ANKRD44: variants seen among roughly 807,000 people sequenced by gnomAD.
ANKRD44 encodes the protein ankyrin repeat domain 44.
A neutral mutation model predicts 116.0 loss-of-function variants in ANKRD44; 35 were observed. The ratio of observed to expected loss-of-function variants is 0.30; its 90% CI spans 0.23 to 0.40. The LOEUF is 0.40. Ranked by LOEUF, ANKRD44 falls within the 10% of genes least tolerant of loss-of-function variation. ANKRD44 has a pLI of 1.00. For missense variants in ANKRD44, 1,014 were observed against 1,242.6 expected (o/e 0.82, Z 2.77); for synonymous variants, 435 against 461.8 (o/e 0.94, Z 0.74).
intron 1 of ANKRD44, among the ~76,000 whole-genome samples, chr2:197,262,566 C>T (rs2082633432): frequency 6.6e-6 from 1 of 152,202 alleles, no homozygotes; most frequent in Non-Finnish European, 1.5e-5. Flanking sequence ...TGAGTGCATT[C>T]TTTCCACAGA....
At chr2:197,243,349 A>T (rs1466825630) in intron 1 of ANKRD44, among the ~76,000 whole-genome samples, 1 of 152,172 alleles carries the variant, frequency 6.6e-6, no homozygotes, top group Non-Finnish European at 1.5e-5. Flanking sequence ...CTAAGAAACA[A>T]GGAATCCAAT....
chr2:197,288,097 G>T (rs1345654984), intron 1 of ANKRD44, among the ~76,000 whole-genome samples: 1 of 151,822 alleles, frequency 6.6e-6, no homozygotes, highest in Admixed American at 6.6e-5. Flanking sequence ...AAAATTTAGG[G>T]TTTGCCCAAA....
intron 1 of ANKRD44, among the ~76,000 whole-genome samples, chr2:197,266,387 A>C (rs1393109704): frequency 2.0e-5 from 3 of 152,176 alleles, no homozygotes; most frequent in Non-Finnish European, 1.5e-5. Context: ...TTACATCCTT[A>C]AGAGAGCCAG....
At chr2:197,268,305 C>G (rs1374681678) in intron 1 of ANKRD44, among the ~76,000 whole-genome samples, 2 of 152,146 alleles carry the variant, frequency 1.3e-5, no homozygotes, top group Non-Finnish European at 1.5e-5. Flanking sequence ...AAAGAAGCAT[C>G]TGAGATGCAC....
At chr2:197,148,372 A>G (rs2079559071) in intron 2 of ANKRD44, among the ~76,000 whole-genome samples, 1 of 152,170 alleles carries the variant, frequency 6.6e-6, no homozygotes, top group African/African-American at 2.4e-5. Context: ...ACTAACTTCT[A>G]TTGACTCCTC....
At chr2:197,277,035 C>T (rs2083110772) in intron 1 of ANKRD44, among the ~76,000 whole-genome samples, 1 of 151,428 alleles carries the variant, frequency 6.6e-6, no homozygotes, top group Admixed American at 6.6e-5. Flanking sequence ...TCACGCCATT[C>T]TCCTGCCTCA....
intron 9 of ANKRD44, among the ~76,000 whole-genome samples, chr2:197,106,142 G>GT (rs1300872801): frequency 2.0e-5 from 3 of 152,110 alleles, no homozygotes; most frequent in Admixed American, 1.3e-4. Flanking sequence ...GCTTAAAACT[G>GT]TAAAAATATA....
At chr2:197,216,760 A>T (rs973211162) in intron 1 of ANKRD44, among the ~76,000 whole-genome samples, 14 of 152,026 alleles carry the variant, frequency 9.2e-5, no homozygotes, top group African/African-American at 3.4e-4. Context: ...CCAGCAGAAA[A>T]ACATTTCCAA....
At chr2:197,297,104 A>G (rs975093063) in intron 1 of ANKRD44, among the ~76,000 whole-genome samples, 1 of 152,194 alleles carries the variant, frequency 6.6e-6, no homozygotes, top group Admixed American at 6.5e-5. Context: ...ATGACTGCAA[A>G]CTCCTGAGAA....
At chr2:197,062,545 C>T (rs942824243) in intron 16 of ANKRD44, among the ~76,000 whole-genome samples, 7 of 152,224 alleles carry the variant, frequency 4.6e-5, no homozygotes, top group African/African-American at 1.2e-4. Flanking sequence ...TCGCCTCACC[C>T]GGGAAGCGCA....
At chr2:197,260,167 T>C (rs2082559706) in intron 1 of ANKRD44, among the ~76,000 whole-genome samples, 1 of 152,190 alleles carries the variant, frequency 6.6e-6, no homozygotes, top group Non-Finnish European at 1.5e-5. Context: ...GTGTGCCATG[T>C]TGGTGTGCTG....
At chr2:197,094,752 A>T (rs1459938421) in intron 10 of ANKRD44, among the ~76,000 whole-genome samples, 1 of 152,224 alleles carries the variant, frequency 6.6e-6, no homozygotes, top group East Asian at 1.9e-4. Context: ...AAACAAACCA[A>T]TTTCTTATGA....
intron 1 of ANKRD44, among the ~76,000 whole-genome samples, chr2:197,294,710 T>C (rs2083669225): frequency 6.6e-6 from 1 of 152,232 alleles, no homozygotes; most frequent in Non-Finnish European, 1.5e-5. Flanking sequence ...AAGATTTATT[T>C]TTAATTGTAT....
chr2:197,280,761 C>T (rs2083241111), intron 1 of ANKRD44, among the ~76,000 whole-genome samples: 1 of 152,152 alleles, frequency 6.6e-6, no homozygotes, highest in African/African-American at 2.4e-5. Flanking sequence ...TGGTCAATTA[C>T]TAATGAACAG....
intron 2 of ANKRD44, among the ~76,000 whole-genome samples, chr2:197,153,457 C>T (rs2579384): frequency 0.91 from 139,019 of 152,030 alleles, 64,768 homozygotes; most frequent in East Asian, 1. Context: ...CACATACACA[C>T]AACAGGTACC....
chr2:196,995,733 A>G (rs915218925), intron 25 of ANKRD44, among the ~76,000 whole-genome samples: 32 of 152,300 alleles, frequency 2.1e-4, no homozygotes, highest in African/African-American at 6.0e-4. Flanking sequence ...ATCCCCAGAG[A>G]GGTAAAGCAG....
At chr2:197,029,235 T>G in intron 16 of ANKRD44, 1 of 195,342 alleles carries the variant, frequency 5.1e-6, no homozygotes, top group South Asian at 9.3e-5. Flanking sequence ...CGGCATTTGG[T>G]TTTCTGTCCT....
intron 21 of ANKRD44, among the ~76,000 whole-genome samples, chr2:196,967,646 A>G (rs1193537225): frequency 1.3e-5 from 2 of 152,218 alleles, no homozygotes; most frequent in African/African-American, 4.8e-5. Flanking sequence ...AAAACTAACT[A>G]TACAAATAAT....
At chr2:196,968,988 TC>T (rs2075695555) in intron 21 of ANKRD44, among the ~76,000 whole-genome samples, 1 of 152,184 alleles carries the variant, frequency 6.6e-6, no homozygotes, top group Admixed American at 6.5e-5. Context: ...GGGAATTTTC[TC>T]AGAAGGAACC....
Sources: allele counts gnomAD v4.1 joint callset (sites outside exome capture counted in the v4.1 genomes callset), GRCh38; gene constraint gnomAD v4.1.1; transcripts MANE v1.5; gene names NCBI Gene and HGNC (gene_info 2026-07-23, HGNC 2026-07-21).